Variants in FOXN3 observed in about 807,000 individuals in gnomAD.
The protein encoded by FOXN3 is forkhead box N3, also known as forkhead box protein N3.
Under a neutral mutation model 38.4 loss-of-function variants are expected in FOXN3, and 7 were observed. The observed-to-expected ratio is 0.18, with a 90% CI of 0.10 to 0.34. FOXN3 has a LOEUF of 0.34. Ranked by LOEUF, FOXN3 falls within the 10% of genes least tolerant of loss-of-function variation. The pLI is 1.00. For synonymous variants in FOXN3, 230 were observed against 242.2 expected, an observed-to-expected ratio of 0.95 and a Z score of 0.47; for missense variants, 456 against 613.4, an observed-to-expected ratio of 0.74 and a Z score of 2.71.
intron 1 of FOXN3, among the ~76,000 whole-genome samples, chr14:89,431,887 G>C (rs1892166919): frequency 6.6e-6 from 1 of 152,016 alleles, no homozygotes; most frequent in African/African-American, 2.4e-5. Context: ...GCTAATTTTT[G>C]TATTTTTAGT....
intron 3 of FOXN3, among the ~76,000 whole-genome samples, chr14:89,339,215 C>T (rs1405736177): frequency 1.1e-4 from 16 of 152,172 alleles, no homozygotes; most frequent in Admixed American, 1.0e-3. Flanking sequence ...CTCAGGTGAT[C>T]TGCCCGCCTC....
chr14:89,167,852 C>T (rs909834582), intron 5 of FOXN3, among the ~76,000 whole-genome samples: 3 of 152,168 alleles, frequency 2.0e-5, no homozygotes, highest in African/African-American at 7.2e-5. Context: ...TCTGCCCTCG[C>T]AGTAGAACAA....
rs540921878 is a variant in FOXN3, at chr14:89,260,328, G to A, written c.745+20622C>T. Among the ~76,000 whole-genome samples, 5 of 152,338 alleles carry A rather than the reference G, an allele frequency of 3.3e-5. No individual in the cohort carries two copies. In the South Asian group the frequency reaches 1.0e-3, roughly 32 times the overall value. On this transcript the variant is annotated intron_variant, in intron 4 of 5. Transcript: ENST00000557258. ...TACGGGGATCTGCTCTCCCGGGCAC[G>A]AAGCTGAGATCACTCCCGGTGAGGC... is the stretch of plus-strand genomic sequence containing the variant.
chr14:89,376,291 G>A (rs906436643), intron 2 of FOXN3, among the ~76,000 whole-genome samples: 1 of 152,132 alleles, frequency 6.6e-6, no homozygotes, highest in African/African-American at 2.4e-5. Flanking sequence ...AGGATAATTT[G>A]AGCATCAAAA....
intron 2 of FOXN3, among the ~76,000 whole-genome samples, chr14:89,383,628 G>A (rs577356124): frequency 1.3e-5 from 2 of 152,240 alleles, no homozygotes; most frequent in South Asian, 2.1e-4. Flanking sequence ...CCCCTGCATT[G>A]GTCCAGTCTC....
In FOXN3 at chr14:89,164,251, T is replaced by C. The variant is rs1887182039; in HGVS notation, c.852-1282A>G. On this transcript the variant is annotated intron_variant, in intron 5 of 5. Transcript: ENST00000557258. This position sits in a 1 kb window ranked among gnomAD's most constrained non-coding sequence, Gnocchi z 4.3. ...ACTTGCAGGAGAGGAGGGTCACTTG[T>C]AGCTGAAGGGGACGAAGGGTGGACG... Among the ~76,000 whole-genome samples the C allele has an allele frequency of 6.6e-6, 1 of 152,180 alleles. No individual in the cohort carries two copies. The highest frequency in any genetic ancestry group is 1.5e-5 in the Non-Finnish European group (1 of 68,030).
intron 4 of FOXN3, among the ~76,000 whole-genome samples, chr14:89,187,750 G>A (rs1455157110): frequency 6.6e-6 from 1 of 152,274 alleles, no homozygotes; most frequent in Middle Eastern, 3.4e-3. Flanking sequence ...CATTCCTCTG[G>A]TTGGGTTTAT....
Position 89,352,587 on chromosome 14 carries a change from C to T in FOXN3, c.544-1779G>A, listed in dbSNP as rs569046738. On this transcript the variant is annotated intron_variant, in intron 2 of 5. Transcript: ENST00000557258. ...TGGGACCTGCCTTTCTGATCCCTTG[C>T]ACCCAAGGCTCCAAACCAGCAATAG... Among the ~76,000 whole-genome samples, 6 of 152,314 alleles carry T rather than the reference C, an allele frequency of 3.9e-5. No individual in the cohort carries two copies. The South Asian group carries it at 1.0e-3, about 26-fold the overall frequency.
rs1344803415 is a variant in FOXN3 at position 89,162,880 on chromosome 14, T to C, written c.941A>G (p.Asn314Ser). The C allele has an allele frequency of 6.2e-6, 10 of 1,611,714 alleles. No individual in the cohort carries two copies. Among genetic ancestry groups the C allele is most frequent in the Non-Finnish European group, 7.6e-6 (9 of 1,179,754 alleles). ...VVSGDPKEDH[N>S]YSSAKSSNAR... is the part of the protein sequence containing the mutation. Reference sequence around the variant, plus strand: ...GTTGGAGGACTTGGCACTGCTGTAGTTGTGATCCTCCTTGGGGTCTCCGCT... The same window carrying C: ...GTTGGAGGACTTGGCACTGCTGTAGCTGTGATCCTCCTTGGGGTCTCCGCT... Residue 314 changes from asparagine to serine, a missense_variant, in exon 6 of 6, where the codon AAC (asparagine) becomes AGC (serine). Physicochemically the swap from Asn to Ser is conservative, Grantham distance 46 (BLOSUM62 1). Coordinates refer to ENST00000557258, the MANE Select transcript of FOXN3 (RefSeq NM_005197.4). The surrounding 1 kb of genome is among the most constrained non-coding windows in gnomAD (Gnocchi z 7.2).
In FOXN3 at chr14:89,475,272, T is replaced by C. The variant is rs555453029; in HGVS notation, c.-14-62782A>G. The stretch of plus-strand genomic sequence containing the variant: ...TATATAAAACAATATTGTAACCAAG[T>C]ATAATGTTGCAGTTACATTCATGTA... On this transcript the variant is annotated intron_variant, in intron 1 of 6. Transcript: ENST00000345097. Among the ~76,000 whole-genome samples the C allele has an allele frequency of 3.3e-5, 5 of 152,258 alleles. No homozygotes were observed. In the South Asian group the frequency reaches 1.0e-3, roughly 32 times the overall value.
intron 4 of FOXN3, among the ~76,000 whole-genome samples, chr14:89,268,650 G>C (rs972824484): frequency 5.3e-5 from 8 of 152,124 alleles, no homozygotes; most frequent in Non-Finnish European, 8.8e-5. Context: ...TGCAGGGCTC[G>C]TGAGGCCAGC....
intron 2 of FOXN3, among the ~76,000 whole-genome samples, chr14:89,376,371 A>C (rs1380966967): frequency 1.3e-5 from 2 of 152,242 alleles, no homozygotes; most frequent in Non-Finnish European, 2.9e-5. Context: ...ATAGTCACAG[A>C]CAGATATTTA....
intron 3 of FOXN3, among the ~76,000 whole-genome samples, chr14:89,328,121 A>C (rs1307886136): frequency 6.6e-6 from 1 of 152,252 alleles, no homozygotes; most frequent in Non-Finnish European, 1.5e-5. Flanking sequence ...TGTACAGATG[A>C]CCGAAAGCAA....
chr14:89,186,797 G>A (rs902241286), intron 4 of FOXN3, among the ~76,000 whole-genome samples: 1 of 152,214 alleles, frequency 6.6e-6, no homozygotes, highest in African/African-American at 2.4e-5. Flanking sequence ...GGTGCACACT[G>A]CCGCTGCACT....
chr14:89,556,194 G>A lies in FOXN3; in HGVS notation c.-15+62834C>T, dbSNP rs1596316552. Among the ~76,000 whole-genome samples the A allele has an allele frequency of 2.6e-5, 4 of 151,874 alleles. No individual in the cohort carries two copies. In the South Asian group the frequency reaches 8.3e-4, roughly 32 times the overall value. ...TGGGGCGGGGGGATCACCTGAGGTCGGGAGTTTGAGACCAGCCTGACCAAC... is the reference window on the plus strand; with the variant it reads ...TGGGGCGGGGGGATCACCTGAGGTCAGGAGTTTGAGACCAGCCTGACCAAC... On this transcript the variant is annotated intron_variant, in intron 1 of 6. Coordinates refer to the FOXN3 transcript ENST00000345097.
intron 3 of FOXN3, among the ~76,000 whole-genome samples, chr14:89,337,996 T>G (rs1373060275): frequency 6.6e-6 from 1 of 152,054 alleles, no homozygotes. Flanking sequence ...TGCCTTGGAG[T>G]CAACAGCCTG....
At chr14:89,499,316 C>A (rs1404132298) in intron 1 of FOXN3, among the ~76,000 whole-genome samples, 1 of 152,104 alleles carries the variant, frequency 6.6e-6, no homozygotes, top group East Asian at 1.9e-4. Flanking sequence ...GAATACAGGC[C>A]TGAGAAACTG....
intron 2 of FOXN3, among the ~76,000 whole-genome samples, chr14:89,396,418 C>T (rs1372098266): frequency 6.6e-6 from 1 of 152,184 alleles, no homozygotes; most frequent in Non-Finnish European, 1.5e-5. Flanking sequence ...TTTCACTGGA[C>T]CCCAGATTCT....
intron 3 of FOXN3, among the ~76,000 whole-genome samples, chr14:89,298,320 G>T (rs1887109117): frequency 6.6e-6 from 1 of 152,048 alleles, no homozygotes; most frequent in South Asian, 2.1e-4. Context: ...TGAGTACAGG[G>T]TTTCAGTCTT....
Sources: allele counts gnomAD v4.1 joint callset (sites outside exome capture counted in the v4.1 genomes callset), GRCh38; gene constraint gnomAD v4.1.1; non-coding constraint Gnocchi (gnomAD v3.1); transcripts MANE v1.5; gene names NCBI Gene and HGNC (gene_info 2026-07-23, HGNC 2026-07-21).